METTL22: variants seen among roughly 807,000 people sequenced by gnomAD.
The protein encoded by METTL22 is methyltransferase 22, Kin17 lysine, also known as methyltransferase-like protein 22.
Under a neutral mutation model 48.4 loss-of-function variants are expected in METTL22, and 51 were observed. That is an observed-to-expected ratio of 1.05 (90% confidence interval 0.84 to 1.33). The LOEUF (loss-of-function observed/expected upper bound fraction) is 1.33. Ranked by LOEUF, METTL22 falls within the 40% of genes most tolerant of loss-of-function variation. METTL22 has a pLI of 0.00. For synonymous variants in METTL22, 255 were observed against 214.1 expected, an observed-to-expected ratio of 1.19 and a Z score of -1.67; for missense variants, 678 against 526.9, an observed-to-expected ratio of 1.29 and a Z score of -2.81.
chr16:8,652,753 A>T (rs765582180), downstream of METTL22, among the ~76,000 whole-genome samples: 1 of 152,126 alleles, frequency 6.6e-6, no homozygotes, highest in East Asian at 1.9e-4. Context: ...CCTTGGCCCT[A>T]TGTGAGTGAC....
chr16:8,652,576 T>G (rs1037825238), downstream of METTL22, among the ~76,000 whole-genome samples: 1 of 150,620 alleles, frequency 6.6e-6, no homozygotes, highest in African/African-American at 2.4e-5. Flanking sequence ...CCCAGCACTT[T>G]GGGAGGCCGA....
At chr16:8,637,866 GGTGGCTAATGCAT>G (rs1314298444) in intron 5 of METTL22, among the ~76,000 whole-genome samples, 1 of 152,108 alleles carries the variant, frequency 6.6e-6, no homozygotes, top group African/African-American at 2.4e-5. Context: ...GGCCAGGCGT[GGTGGCTAATGCAT>G]GTAACCCCAG....
intron 5 of METTL22, among the ~76,000 whole-genome samples, chr16:8,638,535 G>A (rs1242190741): frequency 6.6e-6 from 1 of 152,110 alleles, no homozygotes; most frequent in Non-Finnish European, 1.5e-5. Flanking sequence ...AGTGAATCGC[G>A]CTCAAGAGAG....
At chr16:8,626,586 T>C (rs1355177878) in intron 2 of METTL22, among the ~76,000 whole-genome samples, 30 of 131,522 alleles carry the variant, frequency 2.3e-4, no homozygotes, top group African/African-American at 4.6e-4. Context: ...GTAGCTGGGA[T>C]TACCGGCACC....
chr16:8,622,311 A>G (rs761700790), intron 1 of METTL22, among the ~76,000 whole-genome samples: 13 of 152,204 alleles, frequency 8.5e-5, no homozygotes, highest in Non-Finnish European at 1.3e-4. Flanking sequence ...TTATTTCAAC[A>G]CCGTGATCCC....
rs1041219474 is a variant in METTL22, at chr16:8,649,277, G to T, written c.*3134G>T. The stretch of plus-strand genomic sequence containing the variant: ...AGTATCGTCAGATTTTCATTTCCCA[G>T]AGTGGGAGCGCGCCCCCATTGCCAT... On this transcript the variant is annotated 3_prime_UTR_variant, in exon 11 of 11. Transcript: ENST00000381920. 45 of 152,302 alleles carry T rather than the reference G, an allele frequency of 3.0e-4. No homozygotes were observed. Among genetic ancestry groups the T allele is most frequent in the African/African-American group, 1.0e-3 (42 of 41,564 alleles). The allele number at this position is 152,302 out of a possible 1,614,324, so 9.4% of individuals were successfully genotyped here.
At position 8,626,541 on chromosome 16, in the gene METTL22, C is replaced by T. The variant is rs760208618; in HGVS notation, c.133+743C>T. On this transcript the variant is annotated intron_variant, in intron 2 of 10. Transcript: ENST00000381920. ...TCGGCTCACTGCAACCTCCGCCTCCCGGGTTCAAGCAACTCTCCTGCCTCA... is the reference window on the plus strand; with the variant it reads ...TCGGCTCACTGCAACCTCCGCCTCCTGGGTTCAAGCAACTCTCCTGCCTCA... 1.3e-3 allele frequency among the ~76,000 whole-genome samples: 193 copies of T among 151,114 alleles called. 1 individual carries two copies. The highest frequency in any genetic ancestry group is 3.5e-3 in the Middle Eastern group (1 of 286).
At chr16:8,652,079 C>T (rs1033507769), downstream of METTL22, among the ~76,000 whole-genome samples, 3 of 152,204 alleles carry the variant, frequency 2.0e-5, no homozygotes, top group African/African-American at 7.2e-5. Flanking sequence ...AGCTCCACTC[C>T]ACTTCCACGG....
At chr16:8,667,044 C>T in the METTL22 span, 2 of 151,944 alleles carry the variant, frequency 1.3e-5, no homozygotes, top group South Asian at 2.1e-4. Context: ...GATCTACCCA[C>T]CTCAGCCCCC....
the METTL22 span, among the ~76,000 whole-genome samples, chr16:8,660,303 A>G: frequency 6.6e-6 from 1 of 151,872 alleles, no homozygotes; most frequent in Non-Finnish European, 1.5e-5. Context: ...CAGCCTCCCA[A>G]GCTGGAACTA....
At chr16:8,661,793 G>A in the METTL22 span, among the ~76,000 whole-genome samples, 2 of 143,260 alleles carry the variant, frequency 1.4e-5, no homozygotes, top group East Asian at 2.0e-4. Flanking sequence ...GGATGATTTC[G>A]AACTCCCGGC....
At chr16:8,664,296 A>T in the METTL22 span, among the ~76,000 whole-genome samples, 2 of 151,588 alleles carry the variant, frequency 1.3e-5, no homozygotes, top group Non-Finnish European at 2.9e-5. Context: ...TTCACCTGTG[A>T]CACCATGCCC....
intron 7 of METTL22, chr16:8,641,417 C>G (rs2141792785): frequency 1.6e-6 from 1 of 631,168 alleles, no homozygotes; most frequent in East Asian, 3.2e-5. Flanking sequence ...TGTGGTTTCC[C>G]TGTGTGGTAG....
chr16:8,642,813 C>T (rs1596364886), intron 9 of METTL22: 1 of 562,160 alleles, frequency 1.8e-6, no homozygotes, highest in Non-Finnish European at 3.2e-6. Flanking sequence ...GCATCAGGGG[C>T]CTTGGCCAGG....
chr16:8,663,876 C>T, the METTL22 span, among the ~76,000 whole-genome samples: 1 of 152,108 alleles, frequency 6.6e-6, no homozygotes, highest in African/African-American at 2.4e-5. Context: ...AATCCCATGT[C>T]ATAGGAGACT....
chr16:8,640,557 G>T (rs1482092144), intron 6 of METTL22, among the ~76,000 whole-genome samples: 3 of 127,016 alleles, frequency 2.4e-5, no homozygotes, highest in Non-Finnish European at 4.8e-5. Flanking sequence ...AATAAGGATG[G>T]GTGGGTGGAT....
intron 8 of METTL22, 75 bp from the exon 9 acceptor site, chr16:8,642,388 C>CACA: frequency 7.2e-7 from 1 of 1,395,094 alleles, no homozygotes; most frequent in Non-Finnish European, 1.0e-6. Context: ...TCTCTCTGTG[C>CACA]GGATTGCTCT....
intron 3 of METTL22, among the ~76,000 whole-genome samples, chr16:8,629,906 C>A (rs1167046869): frequency 6.6e-6 from 1 of 152,092 alleles, no homozygotes; most frequent in African/African-American, 2.4e-5. Context: ...CACAACCCCT[C>A]CTGAGGGGGT....
the METTL22 span, among the ~76,000 whole-genome samples, chr16:8,655,291 T>C: frequency 1.5e-4 from 23 of 152,176 alleles, no homozygotes; most frequent in African/African-American, 4.1e-4. Context: ...TGGATCCACA[T>C]TGAGGCTCCC....
Sources: gnomAD v4.1 joint callset for allele counts (sites outside exome capture counted in the v4.1 genomes callset) on GRCh38, gnomAD v4.1.1 for gene constraint, MANE v1.5 for transcripts, NCBI Gene and HGNC (gene_info 2026-07-23, HGNC 2026-07-21) for gene names.